DTD1: variants seen among roughly 807,000 people sequenced by gnomAD.
The protein encoded by DTD1 is D-aminoacyl-tRNA deacylase 1, also known as D-tyrosyl-tRNA deacylase 1 homolog.
A neutral mutation model predicts 25.6 loss-of-function variants in DTD1; 13 were observed. The ratio of observed to expected loss-of-function variants is 0.51; its 90% CI spans 0.33 to 0.81. DTD1 has a LOEUF of 0.81. Ranked by LOEUF, DTD1 falls within the 30% of genes least tolerant of loss-of-function variation. The probability of loss-of-function intolerance (pLI) is 0.02; values close to 1 mark genes in which losing one functional copy is unlikely to be tolerated. For missense variants in DTD1, 193 were observed against 266.4 expected (o/e 0.72, Z 1.92); for synonymous variants, 110 against 103.6 (o/e 1.06, Z -0.37).
chr20:18,681,719 A>T (rs1295451661), intron 4 of DTD1, among the ~76,000 whole-genome samples: 1 of 152,222 alleles, frequency 6.6e-6, no homozygotes, highest in Admixed American at 6.5e-5. Context: ...AGACAAACCA[A>T]AACTGAGGGG....
chr20:18,672,489 A>G (rs1207844136), intron 4 of DTD1, among the ~76,000 whole-genome samples: 1 of 152,186 alleles, frequency 6.6e-6, no homozygotes, highest in African/African-American at 2.4e-5. Context: ...AAGCTTATCA[A>G]TACTAACTTT....
intron 4 of DTD1, among the ~76,000 whole-genome samples, chr20:18,711,419 A>C (rs1169656093): frequency 6.6e-6 from 1 of 152,140 alleles, no homozygotes; most frequent in African/African-American, 2.4e-5. Flanking sequence ...CTAGGTGGTC[A>C]GATGGAGCTC....
intron 4 of DTD1, among the ~76,000 whole-genome samples, chr20:18,640,840 A>C (rs999493738): frequency 6.6e-6 from 1 of 152,132 alleles, no homozygotes; most frequent in Non-Finnish European, 1.5e-5. Context: ...CATGTTGGCC[A>C]GGCTGATCTC....
intron 5 of DTD1, among the ~76,000 whole-genome samples, chr20:18,760,339 C>T (rs2061356524): frequency 6.6e-6 from 1 of 152,218 alleles, no homozygotes; most frequent in South Asian, 2.1e-4. Context: ...AGTTTTTCTA[C>T]TCTGTGTTTT....
At chr20:18,650,339 T>C (rs976910448) in intron 4 of DTD1, among the ~76,000 whole-genome samples, 2 of 152,246 alleles carry the variant, frequency 1.3e-5, no homozygotes, top group East Asian at 3.8e-4. Context: ...AGGCCCTGTG[T>C]GCTTGCTCAG....
chr20:18,665,523 G>C (rs1175842020), intron 4 of DTD1, among the ~76,000 whole-genome samples: 2 of 152,240 alleles, frequency 1.3e-5, no homozygotes, highest in African/African-American at 2.4e-5. Context: ...TCCAGGAAGA[G>C]TGTGGGTTAC....
chr20:18,698,200 G>T (rs1021882336), intron 4 of DTD1, among the ~76,000 whole-genome samples: 1 of 152,174 alleles, frequency 6.6e-6, no homozygotes, highest in African/African-American at 2.4e-5. Context: ...ACATAGTTCA[G>T]TTCTGTATTA....
In DTD1 at chr20:18,713,158, A is replaced by G. The variant is rs192464024; in HGVS notation, c.478-30942A>G. Among the ~76,000 whole-genome samples, 269 of 152,108 alleles carry G rather than the reference A, an allele frequency of 1.8e-3. 1 individual carries two copies. The highest frequency in any genetic ancestry group is 3.5e-3 in the Admixed American group (53 of 15,284). On this transcript the variant is annotated intron_variant, in intron 4 of 5. Transcript: ENST00000377452. ...CCTCCGGGCATCTTTTGCAGAGGTC[A>G]CTCTTTGAAAGATGCCTTTTTTTGT... is the stretch of plus-strand genomic sequence containing the variant.
At chr20:18,600,082 T>G (rs2060627758) in intron 3 of DTD1, among the ~76,000 whole-genome samples, 1 of 152,218 alleles carries the variant, frequency 6.6e-6, no homozygotes, top group Admixed American at 6.5e-5. Flanking sequence ...TGACAGTGCC[T>G]TTCATGGAGA....
At chr20:18,665,111 T>C (rs1007344604) in intron 4 of DTD1, among the ~76,000 whole-genome samples, 6 of 152,236 alleles carry the variant, frequency 3.9e-5, no homozygotes, top group African/African-American at 1.4e-4. Context: ...AGCTAACTTA[T>C]AAGTAGTGAA....
At chr20:18,634,384 A>G (rs1489095538) in intron 4 of DTD1, among the ~76,000 whole-genome samples, 1 of 152,222 alleles carries the variant, frequency 6.6e-6, no homozygotes, top group Non-Finnish European at 1.5e-5. Context: ...TAGTGTTGCC[A>G]TTAATTATTT....
chr20:18,717,645 T>A (rs1013371348), intron 4 of DTD1, among the ~76,000 whole-genome samples: 5 of 152,226 alleles, frequency 3.3e-5, no homozygotes, highest in African/African-American at 1.2e-4. Context: ...TAGTGGATTC[T>A]CACAATTCAA....
intron 4 of DTD1, among the ~76,000 whole-genome samples, chr20:18,734,726 A>T (rs2061249581): frequency 1.3e-5 from 2 of 152,252 alleles, no homozygotes; most frequent in Non-Finnish European, 2.9e-5. Context: ...CTCCAGGGTG[A>T]CAGAATGATC....
intron 5 of DTD1, among the ~76,000 whole-genome samples, chr20:18,755,393 A>G (rs956883952): frequency 7.9e-5 from 12 of 152,148 alleles, no homozygotes; most frequent in African/African-American, 2.7e-4. Flanking sequence ...AACATTAGGT[A>G]TATCTCCTAA....
intron 4 of DTD1, among the ~76,000 whole-genome samples, chr20:18,642,459 G>T (rs1444451393): frequency 2.0e-5 from 3 of 152,004 alleles, no homozygotes; most frequent in African/African-American, 7.3e-5. Flanking sequence ...CATAGAGACA[G>T]GGTCTTGCTG....
intron 4 of DTD1, among the ~76,000 whole-genome samples, chr20:18,677,276 CT>C (rs1006102438): frequency 2.4e-3 from 341 of 144,382 alleles, no homozygotes; most frequent in African/African-American, 2.7e-3. Context: ...TAACATGTCA[CT>C]TTTTTTTTTT....
At chr20:18,676,005 C>T (rs1397065626) in intron 4 of DTD1, among the ~76,000 whole-genome samples, 3 of 152,096 alleles carry the variant, frequency 2.0e-5, no homozygotes, top group Non-Finnish European at 4.4e-5. Context: ...TGATGGCAGC[C>T]TACTATTCTG....
intron 5 of DTD1, among the ~76,000 whole-genome samples, chr20:18,755,850 A>T (rs2061337030): frequency 6.6e-6 from 1 of 152,040 alleles, no homozygotes; most frequent in South Asian, 2.1e-4. Flanking sequence ...CGCCACACTG[A>T]CTTCCACAAT....
At chr20:18,597,244 G>C (rs1405309006) in intron 3 of DTD1, among the ~76,000 whole-genome samples, 2 of 148,104 alleles carry the variant, frequency 1.4e-5, no homozygotes, top group African/African-American at 5.0e-5. Context: ...TCTCCTAATG[G>C]TTATTTCTAA....
Sources: allele counts gnomAD v4.1 joint callset (sites outside exome capture counted in the v4.1 genomes callset), GRCh38; gene constraint gnomAD v4.1.1; transcripts MANE v1.5; gene names NCBI Gene and HGNC (gene_info 2026-07-23, HGNC 2026-07-21).